Variants in C19orf81 observed in about 807,000 individuals in gnomAD.
The protein encoded by C19orf81 is chromosome 19 open reading frame 81.
Under a neutral mutation model 22.1 loss-of-function variants are expected in C19orf81, and 19 were observed. That is an observed-to-expected ratio of 0.86 (90% CI 0.60 to 1.26). The LOEUF is 1.26. C19orf81 is among the 50% of genes most tolerant of loss of function. The pLI is 0.00. For synonymous variants in C19orf81, 108 were observed against 113.1 expected (o/e 0.95, Z 0.29); for missense variants, 287 against 280.7 (o/e 1.02, Z -0.16).
rs1343928941 is a variant in C19orf81, at chr19:50,654,544, G to A, written c.68-1506G>A. On this transcript the variant is annotated intron_variant, in intron 1 of 4. Coordinates refer to ENST00000425202, the MANE Select transcript of C19orf81 (RefSeq NM_001195076.2). ...GAACTCCTGACCTCGTGATCTGCCC[G>A]CTTCAGCCTCCCAAAGTGCTGGGAT... 4.6e-5 allele frequency among the ~76,000 whole-genome samples: 7 copies of A among 151,748 alleles called. No individual in the cohort carries two copies. In the South Asian group the frequency reaches 1.0e-3, roughly 22 times the overall value.
chr19:50,653,090 T>G (rs2123039056), intron 1 of C19orf81, among the ~76,000 whole-genome samples: 1 of 152,346 alleles, frequency 6.6e-6, no homozygotes, highest in African/African-American at 2.4e-5. Flanking sequence ...CAGGATGCAG[T>G]GCAGTGGCAC....
intron 1 of C19orf81, among the ~76,000 whole-genome samples, chr19:50,655,079 C>G (rs1310806162): frequency 6.6e-6 from 1 of 152,222 alleles, no homozygotes; most frequent in Non-Finnish European, 1.5e-5. Context: ...AGTTACACCT[C>G]TCACTCCAGC....
chr19:50,657,726 A>T (rs1985026361), intron 3 of C19orf81, among the ~76,000 whole-genome samples: 4 of 152,232 alleles, frequency 2.6e-5, no homozygotes, highest in Admixed American at 2.6e-4. Context: ...CTGTTCATTG[A>T]CTTTGGGGCA....
intron 4 of C19orf81, chr19:50,658,434 C>T (rs1320921143): frequency 3.1e-6 from 1 of 324,034 alleles, no homozygotes; most frequent in Non-Finnish European, 5.7e-6. Context: ...GGTGCAGAGC[C>T]ACTGAGGGGC....
At chr19:50,651,332 C>A (rs1984874841) in intron 1 of C19orf81, among the ~76,000 whole-genome samples, 1 of 152,232 alleles carries the variant, frequency 6.6e-6, no homozygotes, top group Non-Finnish European at 1.5e-5. Flanking sequence ...TTCTCTCTGT[C>A]ACCTCTTTAT....
chr19:50,659,016 G>C lies in C19orf81; in HGVS notation c.471G>C (p.Gly157=), dbSNP rs759774250. The C allele has an allele frequency of 1.3e-6, 2 of 1,529,162 alleles. No individual in the cohort carries two copies. Among genetic ancestry groups the C allele is most frequent in the Non-Finnish European group, 1.7e-6 (2 of 1,143,174 alleles). The allele number at this position is 1,529,162 out of a possible 1,614,324, so 94.7% of individuals were successfully genotyped here. The change falls in exon 5 of 5, where the codon GGG becomes GGC. Residue 157 remains glycine (G), a synonymous_variant. Transcript: ENST00000425202. ...TGCGCTCCGGGCTCAGTCCCCGCGG[G>C]CTTGCGCACCAGATCGTGCGCCACG... The part of the protein sequence containing the change: ...RLLRSGLSPR[G]LAHQIVRHDD...
Position 50,658,124 on chromosome 19 carries a change from A to G in C19orf81, c.397A>G (p.Asn133Asp), listed in dbSNP as rs1457895447. Residue 133 changes from asparagine to aspartate, a missense_variant, in exon 4 of 5, where the codon AAC (asparagine) becomes GAC (aspartate). Transcript: ENST00000425202. ...NVICGTAGRR[N>D]RWLIAVTDFQ... ...CATCTGTGGGACTGCTGGGCGCCGG[A>G]ACCGGTGAGTAAGCGGCGGGGGCGG... 2 of 1,533,808 alleles carry G rather than the reference A, an allele frequency of 1.3e-6. No homozygotes were observed.
intron 3 of C19orf81, among the ~76,000 whole-genome samples, chr19:50,657,504 TA>T (rs1985021528): frequency 6.6e-6 from 1 of 152,212 alleles, no homozygotes; most frequent in Non-Finnish European, 1.5e-5. Context: ...TTCTGAATGT[TA>T]AATAGATTGA....
rs1031762457 is a variant in C19orf81 at position 50,657,983 on chromosome 19, C to G, written c.262-6C>G. On this transcript the variant is annotated splice_region_variant and splice_polypyrimidine_tract_variant and intron_variant, in intron 3 of 4. Coordinates refer to ENST00000425202, the MANE Select transcript of C19orf81 (RefSeq NM_001195076.2). ...CGGGCTGAGGTTCTCTCTCCGACAC[C>G]CGCAGCCCGAGGAGGATTTTACCCA... The G allele has an allele frequency of 6.6e-6, 10 of 1,524,032 alleles. No homozygotes were observed. Among genetic ancestry groups the G allele is most frequent in the Non-Finnish European group, 8.8e-6 (10 of 1,140,784 alleles). 94.4% of individuals were successfully genotyped at this position (1,524,032 alleles called of 1,614,324 possible). A position where few individuals can be genotyped will look rare whatever the true frequency, so the allele number is the denominator to read the frequency against.
chr19:50,658,760 AGAGCGTAAG>A (rs1036802713), intron 4 of C19orf81, among the ~76,000 whole-genome samples, 178 bp from the exon 5 acceptor site: 2 of 151,916 alleles, frequency 1.3e-5, no homozygotes, highest in African/African-American at 4.8e-5. Flanking sequence ...CCAGGCTAAG[AGAGCGTAAG>A]GAGCCTAGAG....
rs12462547 is a variant in C19orf81 at position 50,656,455 on chromosome 19, A to G, written c.261+109A>G. 5.8e-6 allele frequency: 8 copies of G among 1,389,516 alleles called. No individual in the cohort carries two copies. The Admixed American group carries it at 2.1e-4, about 37-fold the overall frequency. 86.1% of individuals were successfully genotyped at this position (1,389,516 alleles called of 1,614,324 possible). A position where few individuals can be genotyped will look rare whatever the true frequency, so the allele number is the denominator to read the frequency against. ...GTTTAAATTCAGGCTTTTGGCTTAT[A>G]AGCTGTGGGCTTGCCACCAGGACAG... On this transcript the variant is annotated intron_variant, in intron 3 of 4. Coordinates refer to ENST00000425202, the MANE Select transcript of C19orf81 (RefSeq NM_001195076.2).
At chr19:50,657,949 A>C in intron 3 of C19orf81, 40 bp from the exon 4 acceptor site, 1 of 1,493,218 alleles carries the variant, frequency 6.7e-7, no homozygotes, top group Non-Finnish European at 8.9e-7. Flanking sequence ...AAAATGAACC[A>C]GGAGGCCACG....
At chr19:50,654,233 T>C (rs1252965397) in intron 1 of C19orf81, among the ~76,000 whole-genome samples, 1 of 152,114 alleles carries the variant, frequency 6.6e-6, no homozygotes, top group African/African-American at 2.4e-5. Context: ...GTATTTCTTT[T>C]CTTTTCTCCC....
chr19:50,654,165 C>T lies in C19orf81; in HGVS notation c.68-1885C>T, dbSNP rs1046249610. Among the ~76,000 whole-genome samples, 42 of 152,148 alleles carry T rather than the reference C, an allele frequency of 2.8e-4. 1 individual carries two copies. The highest frequency in any genetic ancestry group is 9.7e-4 in the African/African-American group (40 of 41,420). ...GGGCTGTCAGTGTCTGCTTCCCTCCCTTTCAGCAGCTATAACAAAGACACC... is the reference window on the plus strand; with the variant it reads ...GGGCTGTCAGTGTCTGCTTCCCTCCTTTTCAGCAGCTATAACAAAGACACC... On this transcript the variant is annotated intron_variant, in intron 1 of 4. Transcript: ENST00000425202.
chr19:50,652,802 G>A (rs570646050), intron 1 of C19orf81, among the ~76,000 whole-genome samples: 2 of 152,264 alleles, frequency 1.3e-5, no homozygotes, highest in East Asian at 3.9e-4. Flanking sequence ...GGTAACTGGA[G>A]AGCGAGAGGA....
chr19:50,657,917 T>C, intron 3 of C19orf81, 72 bp from the exon 4 acceptor site: 1 of 1,466,054 alleles, frequency 6.8e-7, no homozygotes, highest in Non-Finnish European at 9.0e-7. Flanking sequence ...AGGTGGGGTC[T>C]AGGGTGGTGA....
At chr19:50,654,802 A>AT (rs1984959104) in intron 1 of C19orf81, among the ~76,000 whole-genome samples, 1 of 151,274 alleles carries the variant, frequency 6.6e-6, no homozygotes, top group African/African-American at 2.4e-5. Flanking sequence ...GATAATTAAA[A>AT]ATTTTTTTTT....
intron 3 of C19orf81, 119 bp from the exon 4 acceptor site, chr19:50,657,870 C>T (rs1359367905): frequency 7.5e-7 from 1 of 1,340,114 alleles, no homozygotes; most frequent in Non-Finnish European, 9.8e-7. Context: ...GATCCTTGCC[C>T]CTCAAATGCC....
chr19:50,655,808 T>C (rs1984982170), intron 1 of C19orf81, among the ~76,000 whole-genome samples: 4 of 152,176 alleles, frequency 2.6e-5, no homozygotes, highest in Admixed American at 2.6e-4. Context: ...CTGGCGCCCC[T>C]GTTAGGCAGA....
Sources: allele counts gnomAD v4.1 joint callset (sites outside exome capture counted in the v4.1 genomes callset), GRCh38; gene constraint gnomAD v4.1.1; transcripts MANE v1.5; gene names NCBI Gene and HGNC (gene_info 2026-07-23, HGNC 2026-07-21).